Variants in ATRN observed in about 807,000 individuals in gnomAD.
ATRN encodes attractin-2.
Under a neutral mutation model 178.7 loss-of-function variants are expected in ATRN, and 54 were observed. That is an observed-to-expected ratio of 0.30 (90% CI 0.24 to 0.38). The LOEUF is 0.38. ATRN is among the 10% of genes least tolerant of loss of function. ATRN has a pLI of 1.00. For missense variants in ATRN, 1,443 were observed against 1,815.1 expected (o/e 0.79, Z 3.73); for synonymous variants, 636 against 663.0 (o/e 0.96, Z 0.63).
At chr20:3,555,900 A>T (rs1222733203) in intron 6 of ATRN, among the ~76,000 whole-genome samples, 1 of 152,218 alleles carries the variant, frequency 6.6e-6, no homozygotes, top group Non-Finnish European at 1.5e-5. Flanking sequence ...ACAAGAACCC[A>T]TCATGGAGGA....
At chr20:3,584,624 T>C in intron 17 of ATRN, 23 bp from the exon 18 acceptor site, 2 of 1,568,568 alleles carry the variant, frequency 1.3e-6, no homozygotes, top group Non-Finnish European at 1.7e-6. Context: ...TGATAGTCAA[T>C]TGCAACTTTT....
chr20:3,587,907 G>C (rs1321634871), intron 18 of ATRN, among the ~76,000 whole-genome samples: 4 of 152,250 alleles, frequency 2.6e-5, no homozygotes, highest in Admixed American at 1.3e-4. Flanking sequence ...GCGCAGTGGT[G>C]CTATCTTGGC....
At chr20:3,527,218 A>G (rs952711631) in intron 1 of ATRN, among the ~76,000 whole-genome samples, 1 of 151,462 alleles carries the variant, frequency 6.6e-6, no homozygotes, top group African/African-American at 2.4e-5. Flanking sequence ...TACAAAGACC[A>G]AATTTACAAG....
intron 4 of ATRN, among the ~76,000 whole-genome samples, chr20:3,546,763 G>A (rs3827109): frequency 0.11 from 16,197 of 152,030 alleles, 1,435 homozygotes; most frequent in East Asian, 0.32. Context: ...AAATTACTAA[G>A]GAATTTTAAA....
intron 1 of ATRN, among the ~76,000 whole-genome samples, chr20:3,529,695 CTG>C (rs1037372739): frequency 7.2e-5 from 11 of 152,112 alleles, no homozygotes; most frequent in African/African-American, 2.4e-4. Flanking sequence ...GGTGAGGAAA[CTG>C]TTTTATATCC....
rs2146220770 is a variant in ATRN, at chr20:3,560,711, C to T, written c.1253C>T (p.Thr418Ile). Residue 418 changes from threonine to isoleucine, a missense_variant, in exon 8 of 29, where the codon ACC becomes ATC. Transcript: ENST00000262919. ...AAAATTGATTCAACTGGGAATGTGA[C>T]CAATGAGTTGAGAGTTTTTCACATT... ...GGKIDSTGNV[T>I]NELRVFHIHN... 6.2e-7 allele frequency: 1 copy of T among 1,613,252 alleles called. No homozygotes were observed.
intron 25 of ATRN, chr20:3,628,844 G>T: frequency 1.0e-6 from 1 of 972,964 alleles, no homozygotes; most frequent in Non-Finnish European, 1.2e-6. Flanking sequence ...CTGCTTCTTA[G>T]CCTGCCTATT....
At chr20:3,635,637 G>A (rs2087019967) in intron 26 of ATRN, among the ~76,000 whole-genome samples, 1 of 151,948 alleles carries the variant, frequency 6.6e-6, no homozygotes, top group Non-Finnish European at 1.5e-5. Flanking sequence ...AGAACAGAAG[G>A]GAAGTATGTA....
At chr20:3,500,318 G>A (rs2084940054) in intron 1 of ATRN, among the ~76,000 whole-genome samples, 2 of 152,140 alleles carry the variant, frequency 1.3e-5, no homozygotes, top group Non-Finnish European at 2.9e-5. Context: ...ATTTGACCCA[G>A]CCATCCCATT....
chr20:3,591,322 C>T lies in ATRN; in HGVS notation c.3322+16C>T, dbSNP rs1193959012. 1 of 1,611,022 alleles carries T rather than the reference C, an allele frequency of 6.2e-7. No individual in the cohort carries two copies. The highest frequency in any genetic ancestry group is 1.7e-5 in the Admixed American group (1 of 59,682). Reference sequence around the variant, plus strand: ...AAATGTCAGCGTAAGTCAAATTGGTCAGGTTTACTCATGGCAAATCGGTGT... The same window carrying T: ...AAATGTCAGCGTAAGTCAAATTGGTTAGGTTTACTCATGGCAAATCGGTGT... On this transcript the variant is annotated intron_variant, in intron 19 of 28. Coordinates refer to ENST00000262919, the MANE Select transcript of ATRN (RefSeq NM_139321.3).
At chr20:3,571,387 C>G (rs2086120474) in intron 11 of ATRN, among the ~76,000 whole-genome samples, 1 of 152,128 alleles carries the variant, frequency 6.6e-6, no homozygotes, top group Admixed American at 6.5e-5. Context: ...GCTATTCTAT[C>G]TTTGTGCTAG....
At chr20:3,584,567 A>G in intron 17 of ATRN, 80 bp from the exon 18 acceptor site, 5 of 955,894 alleles carry the variant, frequency 5.2e-6, no homozygotes, top group Non-Finnish European at 7.8e-6. Context: ...AGCCAGTTGA[A>G]TAGTCTGTTA....
At chr20:3,560,200 A>G (rs2085931884) in intron 7 of ATRN, among the ~76,000 whole-genome samples, 1 of 151,912 alleles carries the variant, frequency 6.6e-6, no homozygotes, top group Admixed American at 6.6e-5. Context: ...CTCTATCTTC[A>G]TGAGATCCAC....
At chr20:3,521,116 C>T (rs922451701) in intron 1 of ATRN, among the ~76,000 whole-genome samples, 4 of 151,686 alleles carry the variant, frequency 2.6e-5, no homozygotes, top group African/African-American at 4.8e-5. Flanking sequence ...GGTTGGGAGG[C>T]GGGGTTGGGT....
At chr20:3,574,153 A>G (rs1172560647) in intron 12 of ATRN, among the ~76,000 whole-genome samples, 1 of 152,254 alleles carries the variant, frequency 6.6e-6, no homozygotes, top group Non-Finnish European at 1.5e-5. Context: ...TATGATGGAT[A>G]GAAGCAGCTT....
intron 7 of ATRN, among the ~76,000 whole-genome samples, chr20:3,560,061 G>A (rs1039261640): frequency 1.3e-5 from 2 of 151,542 alleles, no homozygotes; most frequent in East Asian, 1.9e-4. Flanking sequence ...TAAAATATAC[G>A]TATATAATGG....
chr20:3,611,112 T>G (rs183219272), intron 24 of ATRN, among the ~76,000 whole-genome samples: 1 of 152,262 alleles, frequency 6.6e-6, no homozygotes, highest in East Asian at 1.9e-4. Flanking sequence ...AGAAAATCTT[T>G]GAATCCCAAA....
In ATRN at chr20:3,584,816, C is replaced by G; in HGVS notation, c.3120C>G (p.Pro1040=). The G allele has an allele frequency of 1.2e-6, 2 of 1,614,142 alleles. No individual in the cohort carries two copies. The highest frequency in any genetic ancestry group is 1.7e-6 in the Non-Finnish European group (2 of 1,180,014). ...CTACAGGAAATTTCTATCCACAGCC[C>G]CTGCTCAATTCCAGCATGTGTCTAG... ...QAPTGNFYPQ[P]LLNSSMCLED... Residue 1040 remains proline (P), a synonymous_variant, in exon 18 of 29, where the codon CCC becomes CCG. Coordinates refer to ENST00000262919, the MANE Select transcript of ATRN (RefSeq NM_139321.3).
In ATRN at chr20:3,582,252, A is replaced by G; in HGVS notation, c.2662A>G (p.Ser888Gly). The G allele has an allele frequency of 1.9e-6, 3 of 1,613,798 alleles. No homozygotes were observed. Among genetic ancestry groups the G allele is most frequent in the Non-Finnish European group, 2.5e-6 (3 of 1,180,024 alleles). Residue 888 changes from serine to glycine, a missense_variant, in exon 16 of 29, where the codon AGT (serine) becomes GGT (glycine). This residue lies in a region of ATRN where 212 missense variants were observed against 330.7 expected (regional missense o/e 0.64). Transcript: ENST00000262919. ...SLLQWMPSEPSDAGFCGILSE... is the reference protein window; with the variant it reads ...SLLQWMPSEPGDAGFCGILSE... ...ACTACAGTGGATGCCGTCTGAGCCC[A>G]GTGATGCTGGATTCTGTGGAATTTT...
Sources: allele counts gnomAD v4.1 joint callset (sites outside exome capture counted in the v4.1 genomes callset), GRCh38; gene constraint gnomAD v4.1.1; regional missense constraint gnomAD v4.1.1; transcripts MANE v1.5; gene names NCBI Gene and HGNC (gene_info 2026-07-23, HGNC 2026-07-21).